The following CACNA1B variants were observed in gnomAD, a reference collection of about 807,000 sequenced individuals.
The protein encoded by CACNA1B is voltage-dependent N-type calcium channel subunit alpha-1B.
Under a neutral mutation model 247.2 loss-of-function variants are expected in CACNA1B, and 70 were observed. The ratio of observed to expected loss-of-function variants is 0.28; its 90% CI spans 0.23 to 0.35. CACNA1B has a LOEUF of 0.35. Ranked by LOEUF, CACNA1B falls within the 10% of genes least tolerant of loss-of-function variation. CACNA1B has a pLI of 1.00. For synonymous variants in CACNA1B, 1,231 were observed against 1,294.4 expected, an observed-to-expected ratio of 0.95 and a Z score of 1.05; for missense variants, 2,367 against 3,197.4, an observed-to-expected ratio of 0.74 and a Z score of 6.26.
chr9:138,024,835 T>C (rs1958900509), intron 19 of CACNA1B, 120 bp from the exon 20 acceptor site: 4 of 688,902 alleles, frequency 5.8e-6, no homozygotes, highest in Admixed American at 2.3e-5. Context: ...GGTTTCGCCA[T>C]ATTCCCCAGG....
chr9:138,003,303 G>C (rs1197656145), intron 15 of CACNA1B, among the ~76,000 whole-genome samples: 3 of 151,390 alleles, frequency 2.0e-5, no homozygotes, highest in African/African-American at 7.3e-5. Context: ...CTTCTGAGTA[G>C]CTGGGACTAC....
intron 37 of CACNA1B, among the ~76,000 whole-genome samples, chr9:138,097,160 C>T (rs906321677): frequency 6.6e-6 from 1 of 152,006 alleles, no homozygotes; most frequent in Admixed American, 6.6e-5. Context: ...AGTGTGGGTG[C>T]TTGGTGAACT....
At chr9:138,060,931 A>G (rs987669709) in intron 31 of CACNA1B, among the ~76,000 whole-genome samples, 1 of 151,936 alleles carries the variant, frequency 6.6e-6, no homozygotes, top group African/African-American at 2.4e-5. Context: ...CACCCTTTCT[A>G]GAGCCCCTGT....
At chr9:137,892,143 T>A (rs1310784054) in intron 3 of CACNA1B, 3 of 456,846 alleles carry the variant, frequency 6.6e-6, no homozygotes, top group Admixed American at 4.7e-5. Context: ...CAGCCTCTAC[T>A]GACAGGCTCA....
intron 3 of CACNA1B, among the ~76,000 whole-genome samples, chr9:137,901,661 T>C (rs917616726): frequency 1.3e-5 from 2 of 151,546 alleles, no homozygotes; most frequent in African/African-American, 2.4e-5. Flanking sequence ...ACCAGTTCTG[T>C]GTACATCATT....
chr9:137,929,383 G>C (rs956550420), intron 6 of CACNA1B, among the ~76,000 whole-genome samples: 2 of 151,302 alleles, frequency 1.3e-5, no homozygotes, highest in African/African-American at 2.4e-5. Context: ...GCAAGACCCT[G>C]TCTCTACAAA....
At chr9:137,967,564 C>T (rs577415450) in intron 10 of CACNA1B, among the ~76,000 whole-genome samples, 7 of 152,280 alleles carry the variant, frequency 4.6e-5, no homozygotes, top group East Asian at 3.9e-4. Context: ...TCCTGTCACT[C>T]GGCTGCTCTC....
At chr9:138,114,231 C>A in intron 40 of CACNA1B, 147 bp from the exon 41 acceptor site, 1 of 599,670 alleles carries the variant, frequency 1.7e-6, no homozygotes, top group African/African-American at 1.8e-5. Context: ...CCATGTTCTG[C>A]CTGAGAGCCC....
Position 137,879,036 on chromosome 9 carries a change from A to C in CACNA1B, c.285-18A>C, listed in dbSNP as rs1194865650. ...TCCCTCCGTGCGGCGTCTGCCGGCC[A>C]GTCCTTAACTCACGCACTCCATTCG... On this transcript the variant is annotated intron_variant, in intron 1 of 46. Transcript: ENST00000371372. The C allele has an allele frequency of 6.4e-7, 1 of 1,560,748 alleles. No individual in the cohort carries two copies. The highest frequency in any genetic ancestry group is 8.8e-7 in the Non-Finnish European group (1 of 1,136,414).
chr9:137,958,553 C>CTCGTCTGCTGA (rs961548405), intron 10 of CACNA1B, among the ~76,000 whole-genome samples: 5 of 152,190 alleles, frequency 3.3e-5, no homozygotes, highest in African/African-American at 1.2e-4. Context: ...TGTTCAGTTG[C>CTCGTCTGCTGA]TCGTCTGCTG....
At chr9:137,903,311 A>G (rs923222464) in intron 3 of CACNA1B, among the ~76,000 whole-genome samples, 1 of 152,154 alleles carries the variant, frequency 6.6e-6, no homozygotes, top group African/African-American at 2.4e-5. Flanking sequence ...ACTTGAACCC[A>G]GGAGGTGGAG....
intron 39 of CACNA1B, among the ~76,000 whole-genome samples, chr9:138,109,194 C>T (rs76897239): frequency 0.015 from 2,357 of 152,208 alleles, 65 homozygotes; most frequent in African/African-American, 0.053. Flanking sequence ...CTCACTTATA[C>T]GGTCAATTGA....
chr9:138,057,614 A>G lies in CACNA1B; in HGVS notation c.3969-118A>G, dbSNP rs2133502639. ...CTGCATGTGGACATCCAGTTTTCCCAGCACAGTCTGTTGGAGAGGCCATTC... is the reference window on the plus strand; with the variant it reads ...CTGCATGTGGACATCCAGTTTTCCCGGCACAGTCTGTTGGAGAGGCCATTC... On this transcript the variant is annotated intron_variant, in intron 26 of 46. Transcript: ENST00000371372. The surrounding 1 kb of genome is among the most constrained non-coding windows in gnomAD (Gnocchi z 4.0). 2.1e-6 allele frequency: 2 copies of G among 952,820 alleles called. No individual in the cohort carries two copies. The highest frequency in any genetic ancestry group is 5.3e-5 in the East Asian group (2 of 37,926). 59.0% of individuals were successfully genotyped at this position (952,820 alleles called of 1,614,324 possible).
intron 31 of CACNA1B, among the ~76,000 whole-genome samples, chr9:138,066,098 A>G (rs1010382081): frequency 4.6e-5 from 7 of 152,126 alleles, no homozygotes; most frequent in African/African-American, 1.7e-4. Flanking sequence ...GTTGGTGAGG[A>G]TGGGGGCAGT....
At chr9:138,046,748 C>T (rs540786168) in intron 21 of CACNA1B, among the ~76,000 whole-genome samples, 156 bp from the exon 22 acceptor site, 2 of 152,368 alleles carry the variant, frequency 1.3e-5, no homozygotes, top group South Asian at 4.1e-4. Context: ...GCTGCCACCA[C>T]CAACCACAGG....
rs572020651 is a variant in CACNA1B at position 137,919,971 on chromosome 9, C to T, written c.966+2540C>T. Among the ~76,000 whole-genome samples the T allele has an allele frequency of 1.1e-3, 166 of 152,284 alleles. No individual in the cohort carries two copies. Among genetic ancestry groups the T allele is most frequent in the South Asian group, 1.9e-3 (9 of 4,826 alleles). ...GGAGAGACGAGTCGGCAGTAAATTCCTGTTAGGTCCAGAGAGGTGAGATCA... is the reference window on the plus strand; with the variant it reads ...GGAGAGACGAGTCGGCAGTAAATTCTTGTTAGGTCCAGAGAGGTGAGATCA... On this transcript the variant is annotated intron_variant, in intron 6 of 46. Coordinates refer to ENST00000371372, the MANE Select transcript of CACNA1B (RefSeq NM_000718.4). This position sits in a 1 kb window ranked among gnomAD's most constrained non-coding sequence, Gnocchi z 4.6.
chr9:138,033,901 G>A (rs1177065164), intron 20 of CACNA1B, among the ~76,000 whole-genome samples: 1 of 152,116 alleles, frequency 6.6e-6, no homozygotes, highest in African/African-American at 2.4e-5. Flanking sequence ...GATTTGGGTG[G>A]GGACACACCA....
chr9:138,118,993 G>T (rs950855755), intron 44 of CACNA1B, among the ~76,000 whole-genome samples: 1 of 152,130 alleles, frequency 6.6e-6, no homozygotes, highest in Admixed American at 6.5e-5. Flanking sequence ...TTCTCCAGAG[G>T]GTGGGTCAGG....
At chr9:137,921,766 C>T (rs568075924) in intron 6 of CACNA1B, among the ~76,000 whole-genome samples, 2 of 145,756 alleles carry the variant, frequency 1.4e-5, no homozygotes, top group East Asian at 4.2e-4. Flanking sequence ...ATCAGTACCG[C>T]GATCACACAG....
Sources: gnomAD v4.1 joint callset for allele counts (sites outside exome capture counted in the v4.1 genomes callset) on GRCh38, gnomAD v4.1.1 for gene constraint, Gnocchi (gnomAD v3.1) non-coding constraint, MANE v1.5 for transcripts, NCBI Gene and HGNC (gene_info 2026-07-23, HGNC 2026-07-21) for gene names.